The following VMP1 variants were observed in gnomAD, a reference collection of about 807,000 sequenced individuals.
VMP1 encodes ectopic P-granules autophagy protein 3 homolog.
A neutral mutation model predicts 56.0 loss-of-function variants in VMP1; 11 were observed. The observed-to-expected ratio is 0.20, with a 90% CI of 0.12 to 0.32. The LOEUF (loss-of-function observed/expected upper bound fraction) is 0.32, where lower values mean the gene tolerates loss of function less well. Ranked by LOEUF, VMP1 falls within the 10% of genes least tolerant of loss-of-function variation. The pLI, the probability that VMP1 is intolerant of heterozygous loss-of-function variation, is 1.00. For synonymous variants in VMP1, 149 were observed against 165.0 expected (o/e 0.90, Z 0.74); for missense variants, 296 against 490.3 (o/e 0.60, Z 3.74).
At chr17:59,747,820 A>C (rs1426743814) in intron 5 of VMP1, among the ~76,000 whole-genome samples, 2 of 151,946 alleles carry the variant, frequency 1.3e-5, no homozygotes, top group East Asian at 3.9e-4. Context: ...ACTTGAGCCC[A>C]GGAGTTTAAG....
chr17:59,829,873 C>T lies in VMP1; in HGVS notation c.975-8422C>T, dbSNP rs114335405. 4.1e-3 allele frequency among the ~76,000 whole-genome samples: 618 copies of T among 152,176 alleles called. 9 individuals carry two copies. Among genetic ancestry groups the T allele is most frequent in the African/African-American group, 0.014 (592 of 41,528 alleles). On this transcript the variant is annotated intron_variant, in intron 10 of 11. Coordinates refer to ENST00000262291, the MANE Select transcript of VMP1 (RefSeq NM_030938.5). ...AATTCAGTCTCTTCAGCAGAAGAGG[C>T]GGTTGTTGGCTTCAGTTAGAACAGG... is the stretch of plus-strand genomic sequence containing the variant.
intron 1 of VMP1, among the ~76,000 whole-genome samples, chr17:59,720,073 A>G (rs923334807): frequency 1.3e-5 from 2 of 152,212 alleles, no homozygotes; most frequent in African/African-American, 2.4e-5. Context: ...ACATACGTGC[A>G]CTCGGTGCAA....
At chr17:59,797,873 T>C (rs1202820028) in intron 7 of VMP1, among the ~76,000 whole-genome samples, 1 of 152,052 alleles carries the variant, frequency 6.6e-6, no homozygotes, top group East Asian at 1.9e-4. Context: ...AAACACCATC[T>C]CAAAAAAGTA....
chr17:59,802,716 C>T (rs1230360448), intron 7 of VMP1, among the ~76,000 whole-genome samples: 2 of 152,116 alleles, frequency 1.3e-5, no homozygotes, highest in East Asian at 3.8e-4. Flanking sequence ...CAGGCGCCAG[C>T]CACCACGCCT....
chr17:59,741,310 G>C (rs1181835518), intron 5 of VMP1, among the ~76,000 whole-genome samples: 2 of 152,158 alleles, frequency 1.3e-5, no homozygotes, highest in African/African-American at 2.4e-5. Context: ...AGGTGGAAGA[G>C]AAGAGGAGCA....
intron 10 of VMP1, among the ~76,000 whole-genome samples, chr17:59,821,568 G>A (rs1598442568): frequency 1.8e-5 from 2 of 108,724 alleles, no homozygotes; most frequent in Admixed American, 1.1e-4. Flanking sequence ...TTTTTGAGGC[G>A]GAGTTTCACT....
At chr17:59,781,761 T>C (rs1450704718) in intron 7 of VMP1, among the ~76,000 whole-genome samples, 1 of 152,198 alleles carries the variant, frequency 6.6e-6, no homozygotes, top group Non-Finnish European at 1.5e-5. Context: ...AATAGAATGT[T>C]CATCTAACAG....
intron 6 of VMP1, among the ~76,000 whole-genome samples, chr17:59,766,075 A>G (rs1301189908): frequency 6.6e-6 from 1 of 151,952 alleles, no homozygotes; most frequent in Non-Finnish European, 1.5e-5. Flanking sequence ...GCATTTATTT[A>G]TTTATATATT....
intron 5 of VMP1, among the ~76,000 whole-genome samples, chr17:59,747,302 A>G (rs954158156): frequency 6.6e-6 from 1 of 152,180 alleles, no homozygotes; most frequent in African/African-American, 2.4e-5. Context: ...TTATGCCTGT[A>G]ATCCCAGCAC....
chr17:59,817,002 C>T (rs1598435875), intron 9 of VMP1, among the ~76,000 whole-genome samples: 1 of 147,976 alleles, frequency 6.8e-6, no homozygotes, highest in Non-Finnish European at 1.5e-5. Context: ...GGCGCAATGG[C>T]TCATGCCTGT....
At position 59,841,164 on chromosome 17, in the gene VMP1, G is replaced by A. The variant is rs544241065; in HGVS notation, c.*1253G>A. The A allele has an allele frequency of 2.7e-6, 1 of 365,580 alleles. No individual in the cohort carries two copies. The highest frequency in any genetic ancestry group is 6.2e-6 in the Non-Finnish European group (1 of 160,234). 22.6% of individuals were successfully genotyped at this position (365,580 alleles called of 1,614,324 possible). On this transcript the variant is annotated 3_prime_UTR_variant, in exon 12 of 12. Transcript: ENST00000262291. ...CGATCTTAACAGGCCAGAAATGCCT[G>A]GGTTTTTTTGGTTTGTTTTTGTTTT...
intron 8 of VMP1, among the ~76,000 whole-genome samples, chr17:59,810,101 G>A (rs552496019): frequency 5.9e-5 from 9 of 152,060 alleles, no homozygotes; most frequent in Non-Finnish European, 1.0e-4. Flanking sequence ...CCTGTTTAAA[G>A]CGATGTTAGC....
intron 1 of VMP1, among the ~76,000 whole-genome samples, chr17:59,728,950 T>C (rs1465203992): frequency 6.6e-6 from 1 of 152,152 alleles, no homozygotes; most frequent in Admixed American, 6.6e-5. Context: ...TCCCCATTTT[T>C]CTCCAGCTCA....
At chr17:59,817,511 C>G (rs1276643956) in intron 9 of VMP1, among the ~76,000 whole-genome samples, 1 of 151,714 alleles carries the variant, frequency 6.6e-6, no homozygotes, top group East Asian at 1.9e-4. Flanking sequence ...GTCACCACCC[C>G]CAGCTAATTT....
intron 7 of VMP1, among the ~76,000 whole-genome samples, chr17:59,798,351 A>C (rs185395260): frequency 2.6e-5 from 4 of 152,280 alleles, no homozygotes. Context: ...TGTGTTGATC[A>C]GTTCTCACGT....
At chr17:59,813,844 T>G (rs930837873) in intron 9 of VMP1, among the ~76,000 whole-genome samples, 2 of 152,190 alleles carry the variant, frequency 1.3e-5, no homozygotes, top group African/African-American at 4.8e-5. Flanking sequence ...TTCTATAAAT[T>G]ATAGTAAAAC....
intron 5 of VMP1, among the ~76,000 whole-genome samples, chr17:59,757,242 TAGATAGA>T (rs1568089174): frequency 1.2e-4 from 3 of 25,504 alleles, no homozygotes; most frequent in African/African-American, 8.9e-4. Flanking sequence ...AGGATGGAGA[TAGATAGA>T]TAGATAGATA....
intron 6 of VMP1, among the ~76,000 whole-genome samples, chr17:59,773,423 AG>A (rs2036510276): frequency 6.6e-6 from 1 of 151,140 alleles, no homozygotes; most frequent in Non-Finnish European, 1.5e-5. Flanking sequence ...TTTCATAGAC[AG>A]GAATCTCAGA....
chr17:59,836,003 A>ATAAT (rs1284878841), intron 10 of VMP1, among the ~76,000 whole-genome samples: 1 of 150,716 alleles, frequency 6.6e-6, no homozygotes, highest in East Asian at 1.9e-4. Flanking sequence ...TGCCTCCCTA[A>ATAAT]TATAAGTCTG....
Sources: gnomAD v4.1 joint callset for allele counts (sites outside exome capture counted in the v4.1 genomes callset) on GRCh38, gnomAD v4.1.1 for gene constraint, MANE v1.5 for transcripts, NCBI Gene and HGNC (gene_info 2026-07-23, HGNC 2026-07-21) for gene names.